The following SCN9A variants were observed in gnomAD, a reference collection of about 807,000 sequenced individuals.
SCN9A encodes sodium voltage-gated channel alpha subunit 9.
In SCN9A, 131 loss-of-function variants were observed where a neutral mutation model predicts 187.0. That is an observed-to-expected ratio of 0.70 (90% confidence interval 0.61 to 0.81). SCN9A has a LOEUF of 0.81. Ranked by LOEUF, SCN9A falls within the 30% of genes least tolerant of loss-of-function variation. The probability of loss-of-function intolerance (pLI) is 0.00; values close to 1 mark genes in which losing one functional copy is unlikely to be tolerated. For synonymous variants in SCN9A, 809 were observed against 808.6 expected, an observed-to-expected ratio of 1.00 and a Z score of -0.01; for missense variants, 2,252 against 2,396.6, an observed-to-expected ratio of 0.94 and a Z score of 1.26.
rs143995368 is a variant in SCN9A at position 166,255,261 on chromosome 2, A to G, written c.3352-3376T>C. Among the ~76,000 whole-genome samples, 109 of 151,690 alleles carry G rather than the reference A, an allele frequency of 7.2e-4. 3 individuals are homozygous for G. The East Asian group carries it at 0.015, about 21-fold the overall frequency. ...AGATGCTCCTTTTCAATTACTGAAA[A>G]TATGTCCAAATTAAAAGCTTTATTA... On this transcript the variant is annotated intron_variant, in intron 17 of 26. Transcript: ENST00000642356.
At position 166,197,187 on chromosome 2, in the gene SCN9A, C is replaced by T. The variant is rs1194791495; in HGVS notation, c.*1485G>A. 2 of 151,976 alleles carry T rather than the reference C, an allele frequency of 1.3e-5. No individual in the cohort carries two copies. The highest frequency in any genetic ancestry group is 4.8e-5 in the African/African-American group (2 of 41,402). 9.4% of individuals were successfully genotyped at this position (151,976 alleles called of 1,614,324 possible). On this transcript the variant is annotated 3_prime_UTR_variant, in exon 27 of 27. Coordinates refer to ENST00000642356, the MANE Select transcript of SCN9A (RefSeq NM_001365536.1). ...CTGTGTAGCTCAATTTTTGCCTGTG[C>T]ATGAATAACTTTATAGAAGAAAGAT...
At chr2:166,333,975 G>C (rs1409814799) in intron 1 of SCN9A, among the ~76,000 whole-genome samples, 1 of 151,972 alleles carries the variant, frequency 6.6e-6, no homozygotes, top group Non-Finnish European at 1.5e-5. Context: ...AAGCAATGGA[G>C]GGCATCAATT....
At position 166,294,647 on chromosome 2, in the gene SCN9A, A is replaced by C; in HGVS notation, c.917T>G (p.Leu306Trp). ...AAGGAGAGCATCTTTGGATCCTTCC[A>C]AGTAATAAAAATATTCTGTTGAAGA... is the stretch of plus-strand genomic sequence containing the variant. ...EEDFRKYFYY[L>W]EGSKDALLCG... is the part of the protein sequence containing the mutation. The change falls in exon 8 of 27, where the codon TTG (leucine) becomes TGG (tryptophan). Residue 306 changes from leucine (L) to tryptophan (W), a missense_variant. Physicochemically the swap from Leu to Trp is moderately conservative, Grantham distance 61. This residue lies in a region of SCN9A where 1,013 missense variants were observed against 997.4 expected (regional missense o/e 1.02). Coordinates refer to ENST00000642356, the MANE Select transcript of SCN9A (RefSeq NM_001365536.1). 6.2e-7 allele frequency: 1 copy of C among 1,606,572 alleles called. No homozygotes were observed. Among genetic ancestry groups the C allele is most frequent in the Non-Finnish European group, 8.5e-7 (1 of 1,175,384 alleles).
Position 166,199,251 on chromosome 2 carries a change from A to G in SCN9A, c.5388T>C (p.Phe1796=). The part of the protein sequence containing the change: ...WEKFDPDATQ[F]IEFSKLSDFA... ...AATCAGAGAGTTTAGAGAACTCTAT[A>G]AACTGGGTCGCATCGGGATCAAACT... The change falls in exon 27 of 27, where the codon TTT becomes TTC. Residue 1796 remains phenylalanine (F), a synonymous_variant. Transcript: ENST00000642356. 1 of 1,614,172 alleles carries G rather than the reference A, an allele frequency of 6.2e-7. No homozygotes were observed. The highest frequency in any genetic ancestry group is 8.5e-7 in the Non-Finnish European group (1 of 1,180,038).
At chr2:166,215,869 G>A (rs1694310397) in intron 24 of SCN9A, among the ~76,000 whole-genome samples, 1 of 150,880 alleles carries the variant, frequency 6.6e-6, no homozygotes. Context: ...AATTGAAAAG[G>A]AGGTCAAATT....
rs776196998 is a variant in SCN9A at position 166,291,223 on chromosome 2, G to C, written c.1107+2008C>G. On this transcript the variant is annotated intron_variant, in intron 9 of 26. Coordinates refer to ENST00000642356, the MANE Select transcript of SCN9A (RefSeq NM_001365536.1). Reference sequence around the variant, plus strand: ...CTCTTTAAACTGATAAGCAACTTCAGCAAGGTATCAGGATACAAAATCAAT... The same window carrying C: ...CTCTTTAAACTGATAAGCAACTTCACCAAGGTATCAGGATACAAAATCAAT... Among the ~76,000 whole-genome samples the C allele has an allele frequency of 3.0e-4, 45 of 152,120 alleles. 1 individual carries two copies. The highest frequency in any genetic ancestry group is 2.2e-4 in the Non-Finnish European group (15 of 68,004).
In SCN9A at chr2:166,340,580, TTC is replaced by T. The variant is rs747777569; in HGVS notation, c.-50-28776_-50-28775del. Among the ~76,000 whole-genome samples, 315 of 91,994 alleles carry T rather than the reference TTC, an allele frequency of 3.4e-3. 8 individuals carry two copies. The highest frequency in any genetic ancestry group is 0.013 in the African/African-American group (179 of 13,558). 60.4% of individuals were successfully genotyped at this position (91,994 alleles called of 152,430 possible). A position where few individuals can be genotyped will look rare whatever the true frequency, so the allele number is the denominator to read the frequency against. ...TTTCTTTCTTTCTTTCTTTCTTTCT[TTC>T]TTTCTTTCTTTCTTTCTTTCTTTTT... On this transcript the variant is annotated intron_variant, in intron 1 of 26. Transcript: ENST00000642356.
At chr2:166,267,404 C>T (rs572772382) in intron 17 of SCN9A, among the ~76,000 whole-genome samples, 7 of 151,978 alleles carry the variant, frequency 4.6e-5, no homozygotes, top group African/African-American at 1.7e-4. Flanking sequence ...GGGACGATTT[C>T]CAGTTGAGCA....
intron 20 of SCN9A, among the ~76,000 whole-genome samples, chr2:166,236,145 G>A (rs1240488573): frequency 6.6e-6 from 1 of 151,872 alleles, no homozygotes; most frequent in Non-Finnish European, 1.5e-5. Context: ...CTTATTTGGG[G>A]CAGCCTTTCT....
At position 166,305,645 on chromosome 2, in the gene SCN9A, G is replaced by A. The variant is rs1250188802; in HGVS notation, c.596+147C>T. On this transcript the variant is annotated intron_variant, in intron 5 of 26. Transcript: ENST00000642356. Reference sequence around the variant, plus strand: ...AAAAATTTAGTATTTGCCTATCAATGACTAGCTTTCATATAGCTTCCATTT... The same window carrying A: ...AAAAATTTAGTATTTGCCTATCAATAACTAGCTTTCATATAGCTTCCATTT... 1.1e-5 allele frequency: 11 copies of A among 1,042,368 alleles called. No homozygotes were observed. In the East Asian group the frequency reaches 1.5e-4, roughly 14 times the overall value. The allele number at this position is 1,042,368 out of a possible 1,614,324, so 64.6% of individuals were successfully genotyped here.
chr2:166,239,040 G>A (rs559607422), intron 19 of SCN9A, among the ~76,000 whole-genome samples: 1 of 152,110 alleles, frequency 6.6e-6, no homozygotes, highest in Non-Finnish European at 1.5e-5. Context: ...CCTATTTTGT[G>A]TATGCTCTTC....
At chr2:166,347,429 G>A (rs116069340) in intron 1 of SCN9A, among the ~76,000 whole-genome samples, 4 of 152,260 alleles carry the variant, frequency 2.6e-5, no homozygotes, top group Non-Finnish European at 5.9e-5. Context: ...ACACCCAGGG[G>A]ATAGGTTTTC....
chr2:166,283,743 G>A (rs567824413), intron 12 of SCN9A, among the ~76,000 whole-genome samples: 1 of 152,204 alleles, frequency 6.6e-6, no homozygotes, highest in East Asian at 1.9e-4. Flanking sequence ...TTTATATGGA[G>A]GACCTAATAC....
At chr2:166,293,514 G>A (rs1340977563) in intron 8 of SCN9A, 142 bp from the exon 9 acceptor site, 1 of 680,410 alleles carries the variant, frequency 1.5e-6, no homozygotes, top group East Asian at 2.9e-5. Context: ...TTTGGCTACT[G>A]ACTACTTAGT....
chr2:166,213,845 A>T (rs987536422), intron 24 of SCN9A, among the ~76,000 whole-genome samples: 1 of 152,162 alleles, frequency 6.6e-6, no homozygotes, highest in Non-Finnish European at 1.5e-5. Context: ...ATCCAGTAGA[A>T]AAACTCATGC....
At chr2:166,201,059 A>G (rs1040967569) in intron 26 of SCN9A, among the ~76,000 whole-genome samples, 1 of 151,990 alleles carries the variant, frequency 6.6e-6, no homozygotes, top group Non-Finnish European at 1.5e-5. Flanking sequence ...TAGCATTTAT[A>G]CTGTTTCCAT....
At chr2:166,302,495 T>A (rs1180485635) in intron 7 of SCN9A, 1 of 152,112 alleles carries the variant, frequency 6.6e-6, no homozygotes, top group African/African-American at 2.4e-5. Context: ...AAAACAGCTA[T>A]GAAACTCGTC....
intron 1 of SCN9A, among the ~76,000 whole-genome samples, chr2:166,361,886 T>C (rs1238230754): frequency 6.6e-6 from 1 of 152,008 alleles, no homozygotes; most frequent in Non-Finnish European, 1.5e-5. Context: ...AATGCTAAAG[T>C]GAGAAAAGAC....
Position 166,311,593 on chromosome 2 carries a change from G to T in SCN9A, c.164C>A (p.Ala55Asp), listed in dbSNP as rs1222851635. 1 of 1,613,092 alleles carries T rather than the reference G, an allele frequency of 6.2e-7. No individual in the cohort carries two copies. The highest frequency in any genetic ancestry group is 8.5e-7 in the Non-Finnish European group (1 of 1,179,738). ...ATAGATGAAGGGCAGCTGTTTGCCAGCTTCCAAGTCACTGCTTGGCTTTGG... is the reference window on the plus strand; with the variant it reads ...ATAGATGAAGGGCAGCTGTTTGCCATCTTCCAAGTCACTGCTTGGCTTTGG... ...EAPKPSSDLE[A>D]GKQLPFIYGD... Residue 55 changes from alanine (A) to aspartate (D), a missense_variant, in exon 2 of 27, where the codon GCT becomes GAT. By Grantham distance (126) the Ala-to-Asp change is moderately radical. This residue lies in a region of SCN9A where 1,013 missense variants were observed against 997.4 expected (regional missense o/e 1.02). Transcript: ENST00000642356.
Sources: allele counts gnomAD v4.1 joint callset (sites outside exome capture counted in the v4.1 genomes callset), GRCh38; gene constraint gnomAD v4.1.1; regional missense constraint gnomAD v4.1.1; transcripts MANE v1.5; gene names NCBI Gene and HGNC (gene_info 2026-07-23, HGNC 2026-07-21).